Variants in JMJD1C observed in about 807,000 individuals in gnomAD.
JMJD1C encodes the protein jumonji domain-containing protein 1C.
JMJD1C carries 31 observed loss-of-function variants against 245.3 expected under a neutral mutation model. The ratio of observed to expected loss-of-function variants is 0.13; its 90% CI spans 0.09 to 0.17. The LOEUF (loss-of-function observed/expected upper bound fraction) is 0.17. JMJD1C is among the 10% of genes least tolerant of loss of function. The pLI is 1.00. For missense variants in JMJD1C, 2,691 were observed against 3,000.2 expected (o/e 0.90, Z 2.41); for synonymous variants, 1,057 against 1,017.4 (o/e 1.04, Z -0.74).
chr10:63,291,513 G>T (rs1858713285), intron 2 of JMJD1C, among the ~76,000 whole-genome samples: 1 of 151,512 alleles, frequency 6.6e-6, no homozygotes, highest in Non-Finnish European at 1.5e-5. Context: ...TACTTGGGAG[G>T]CTGACGCAGG....
chr10:63,458,732 T>TTTA (rs1425087044), intron 1 of JMJD1C, among the ~76,000 whole-genome samples: 20 of 104,044 alleles, frequency 1.9e-4, no homozygotes, highest in South Asian at 1.9e-3. Context: ...TATTTATTTA[T>TTTA]TTTTTTTTTG....
chr10:63,269,361 TAG>T (rs553583300), intron 2 of JMJD1C: 657 of 234,146 alleles, frequency 2.8e-3, no homozygotes, highest in Middle Eastern at 0.011. Context: ...GCTGCGGCCA[TAG>T]AGACTGGCTC....
intron 2 of JMJD1C, among the ~76,000 whole-genome samples, chr10:63,287,865 G>A (rs976730039): frequency 7.3e-5 from 11 of 151,532 alleles, no homozygotes; most frequent in African/African-American, 2.7e-4. Flanking sequence ...CTCCTGCCTC[G>A]GCCTCTCAAG....
chr10:63,452,746 A>G (rs887265439), intron 1 of JMJD1C, among the ~76,000 whole-genome samples: 1 of 152,194 alleles, frequency 6.6e-6, no homozygotes, highest in African/African-American at 2.4e-5. Flanking sequence ...ATAAAAAAGA[A>G]GTGAAGTTAT....
intron 24 of JMJD1C, among the ~76,000 whole-genome samples, chr10:63,172,219 T>C (rs1842435446): frequency 6.6e-6 from 1 of 152,252 alleles, no homozygotes; most frequent in Non-Finnish European, 1.5e-5. Context: ...TTTTTATAGA[T>C]GTAATCTTGT....
chr10:63,213,352 C>A, intron 8 of JMJD1C, 121 bp downstream of exon 8: 1 of 660,962 alleles, frequency 1.5e-6, no homozygotes, highest in South Asian at 2.8e-5. Flanking sequence ...GAAAAACAAC[C>A]GAAAAATTCT....
intron 2 of JMJD1C, among the ~76,000 whole-genome samples, chr10:63,364,504 T>C (rs1945680979): frequency 6.6e-6 from 1 of 152,166 alleles, no homozygotes; most frequent in African/African-American, 2.4e-5. Flanking sequence ...AAGCAGGTTT[T>C]TTGTTTGTTT....
intron 2 of JMJD1C, among the ~76,000 whole-genome samples, chr10:63,369,340 C>T (rs1192295192): frequency 1.3e-5 from 2 of 151,900 alleles, no homozygotes; most frequent in Non-Finnish European, 2.9e-5. Flanking sequence ...TGGGGTTTCA[C>T]CATGTTGGCC....
intron 2 of JMJD1C, among the ~76,000 whole-genome samples, chr10:63,344,943 C>CTGT (rs1227679047): frequency 1.3e-5 from 2 of 152,222 alleles, no homozygotes; most frequent in Admixed American, 1.3e-4. Context: ...AAACATAGTA[C>CTGT]AGCTACTCTG....
chr10:63,213,449 G>A (rs778117540), intron 8 of JMJD1C, 24 bp downstream of exon 8: 2 of 1,383,950 alleles, frequency 1.4e-6, no homozygotes, highest in Admixed American at 3.5e-5. Flanking sequence ...ATACTGCTAT[G>A]TGGCAAACTA....
intron 2 of JMJD1C, among the ~76,000 whole-genome samples, chr10:63,288,902 AATAATAATAATAATAATAATAATAATG>A (rs912397732): frequency 8.0e-6 from 1 of 124,278 alleles, no homozygotes; most frequent in South Asian, 2.2e-4. Flanking sequence ...TAATAATAAT[AATAATAATAATAATAATAATAATAATG>A]ATAATAATCT....
At chr10:63,336,019 G>A (rs534444694) in intron 2 of JMJD1C, among the ~76,000 whole-genome samples, 24 of 152,140 alleles carry the variant, frequency 1.6e-4, no homozygotes, top group African/African-American at 5.8e-4. Flanking sequence ...TACTCGGGAG[G>A]CTGAGGCAGG....
intron 2 of JMJD1C, among the ~76,000 whole-genome samples, chr10:63,276,886 T>TTTTTTTTG (rs1554867776): frequency 9.1e-6 from 1 of 110,182 alleles, no homozygotes; most frequent in Non-Finnish European, 1.9e-5. Context: ...GCTTGGGGCT[T>TTTTTTTTG]TTTTTTTTTT....
chr10:63,177,785 T>G lies in JMJD1C; in HGVS notation c.7156A>C (p.Ile2386Leu). Residue 2386 changes from isoleucine to leucine, a missense_variant, in exon 23 of 26, where the codon ATA becomes CTA. Around this residue, in one of 9 missense-constraint regions of JMJD1C, gnomAD observed 232 missense variants for 416.1 expected, o/e 0.56. Transcript: ENST00000399262. The stretch of plus-strand genomic sequence containing the variant: ...TAAATATGCCACAGAGCACCAGGTA[T>G]TTCACTTGAGTCCTTCAATCTTTTC... ...LRKRLKDSSE[I>L]PGALWHIYAG... 2 of 1,613,942 alleles carry G rather than the reference T, an allele frequency of 1.2e-6. No homozygotes were observed. The highest frequency in any genetic ancestry group is 1.7e-6 in the Non-Finnish European group (2 of 1,179,826).
At chr10:63,391,267 T>C (rs1948031051) in intron 1 of JMJD1C, among the ~76,000 whole-genome samples, 1 of 152,192 alleles carries the variant, frequency 6.6e-6, no homozygotes, top group East Asian at 1.9e-4. Flanking sequence ...TCCCAGCACT[T>C]TGGGAGGCCG....
At chr10:63,183,330 C>T in intron 22 of JMJD1C, 117 bp downstream of exon 22, 1 of 837,846 alleles carries the variant, frequency 1.2e-6, no homozygotes, top group Non-Finnish European at 1.8e-6. Flanking sequence ...CCCCTACATC[C>T]ATTGCAATTC....
intron 2 of JMJD1C, among the ~76,000 whole-genome samples, chr10:63,319,562 C>T (rs1940587396): frequency 1.3e-5 from 2 of 151,968 alleles, no homozygotes; most frequent in African/African-American, 4.8e-5. Flanking sequence ...AGTATTTATT[C>T]TCCACTTAAA....
intron 2 of JMJD1C, among the ~76,000 whole-genome samples, chr10:63,277,853 C>T (rs557188273): frequency 1.4e-5 from 2 of 146,600 alleles, no homozygotes; most frequent in East Asian, 4.1e-4. Flanking sequence ...TCTCCTGCCT[C>T]AGCCTCCCGA....
chr10:63,479,234 G>GCAACAATAC (rs1307864565), intron 1 of JMJD1C, among the ~76,000 whole-genome samples: 3 of 150,192 alleles, frequency 2.0e-5, no homozygotes, highest in Non-Finnish European at 4.4e-5. Context: ...TACCCTTCAT[G>GCAACAATAC]CAACAATACC....
Sources: gnomAD v4.1 joint callset for allele counts (sites outside exome capture counted in the v4.1 genomes callset) on GRCh38, gnomAD v4.1.1 for gene constraint, gnomAD v4.1.1 regional missense constraint, MANE v1.5 for transcripts, NCBI Gene and HGNC (gene_info 2026-07-23, HGNC 2026-07-21) for gene names.